Variants in TTC21B observed in about 807,000 individuals in gnomAD.
The protein encoded by TTC21B is tetratricopeptide repeat protein 21B.
Under a neutral mutation model 175.1 loss-of-function variants are expected in TTC21B, and 127 were observed. The observed-to-expected ratio is 0.73, with a 90% CI of 0.63 to 0.84. The LOEUF (loss-of-function observed/expected upper bound fraction) is 0.84. Ranked by LOEUF, TTC21B falls within the 40% of genes least tolerant of loss-of-function variation. The probability of loss-of-function intolerance (pLI) is 0.00; values close to 1 mark genes in which losing one functional copy is unlikely to be tolerated. For missense variants in TTC21B, 1,561 were observed against 1,558.3 expected, an observed-to-expected ratio of 1.00 and a Z score of -0.03; for synonymous variants, 524 against 524.5, an observed-to-expected ratio of 1.00 and a Z score of 0.01.
At chr2:165,895,136 G>C (rs559129051) in intron 22 of TTC21B, among the ~76,000 whole-genome samples, 44 of 152,120 alleles carry the variant, frequency 2.9e-4, no homozygotes, top group Non-Finnish European at 5.7e-4. Context: ...TGTTTGGAAA[G>C]AGAAAAGGGA....
chr2:165,927,246 TTATATATATATATATCCTAGTAGTTATA>T lies in TTC21B; in HGVS notation c.1386+1861_1386+1888del, dbSNP rs1410351565. ...TATATATATATATATATCCTAGTAG[TTATATATATATATATCCTAGTAGTTATA>T]TATATATATATCCTAGTAGTTATAT... On this transcript the variant is annotated intron_variant, in intron 11 of 28. Coordinates refer to ENST00000243344, the MANE Select transcript of TTC21B (RefSeq NM_024753.5). Among the ~76,000 whole-genome samples the T allele has an allele frequency of 3.5e-3, 8 of 2,304 alleles. 1 individual carries two copies. Among genetic ancestry groups the T allele is most frequent in the Non-Finnish European group, 4.5e-3 (3 of 668 alleles). 1.5% of individuals were successfully genotyped at this position (2,304 alleles called of 152,430 possible).
chr2:165,911,549 A>G, intron 17 of TTC21B, 84 bp from the exon 18 acceptor site: 1 of 1,512,698 alleles, frequency 6.6e-7, no homozygotes, highest in Non-Finnish European at 9.2e-7. Context: ...ACAGACTTAA[A>G]GCATTGGTAT....
At chr2:165,935,529 T>G (rs1687097229) in intron 6 of TTC21B, among the ~76,000 whole-genome samples, 1 of 152,112 alleles carries the variant, frequency 6.6e-6, no homozygotes, top group African/African-American at 2.4e-5. Context: ...TACATAGATG[T>G]TTACAGATGA....
Position 165,943,164 on chromosome 2 carries a change from A to T in TTC21B, c.552+55T>A. ...AGCTACTTGGTTTTGTCAGGTTTCA[A>T]ATATATTATGAATATATTTTGAAAC... is the stretch of plus-strand genomic sequence containing the variant. On this transcript the variant is annotated intron_variant, in intron 5 of 28. Transcript: ENST00000243344. 3 of 1,593,618 alleles carry T rather than the reference A, an allele frequency of 1.9e-6. No homozygotes were observed. The East Asian group carries it at 6.7e-5, about 36-fold the overall frequency.
chr2:165,879,504 T>C lies in TTC21B; in HGVS notation c.3805+1175A>G, dbSNP rs181404742. On this transcript the variant is annotated intron_variant, in intron 27 of 28. Coordinates refer to ENST00000243344, the MANE Select transcript of TTC21B (RefSeq NM_024753.5). ...AGCAGTTAGTATGAGGTTGACTCAT[T>C]TGACTGCAAATCAAAATCGAATTCA... The C allele has an allele frequency of 3.7e-4, 57 of 152,342 alleles. 1 individual carries two copies. In the East Asian group the frequency reaches 7.7e-3, roughly 21 times the overall value. The allele number at this position is 152,342 out of a possible 1,614,324, so 9.4% of individuals were successfully genotyped here.
Position 165,883,904 on chromosome 2 carries a change from C to T in TTC21B, c.3574G>A (p.Asp1192Asn). 6.2e-7 allele frequency: 1 copy of T among 1,614,112 alleles called. No individual in the cohort carries two copies. Among genetic ancestry groups the T allele is most frequent in the Non-Finnish European group, 8.5e-7 (1 of 1,179,998 alleles). The change falls in exon 26 of 29, where the codon GAT becomes AAT. Residue 1192 changes from aspartate to asparagine, a missense_variant. By Grantham distance (23) the Asp-to-Asn change is conservative. Coordinates refer to ENST00000243344, the MANE Select transcript of TTC21B (RefSeq NM_024753.5). Reference sequence around the variant, plus strand: ...CAACTCTTCTCAAACTCTTCAGCATCAATAGCATTCCAATTCATTTTCGCA... The same window carrying T: ...CAACTCTTCTCAAACTCTTCAGCATTAATAGCATTCCAATTCATTTTCGCA... ...RIAKMNWNAI[D>N]AEEFEKSWLL...
At chr2:165,877,104 GAAGAC>G (rs1436487292) in intron 27 of TTC21B, among the ~76,000 whole-genome samples, 1 of 152,038 alleles carries the variant, frequency 6.6e-6, no homozygotes, top group Non-Finnish European at 1.5e-5. Flanking sequence ...AGAAAACTAA[GAAGAC>G]AAGAAAAGTA....
chr2:165,909,114 A>G (rs1398551998), intron 18 of TTC21B, among the ~76,000 whole-genome samples: 2 of 152,148 alleles, frequency 1.3e-5, no homozygotes, highest in East Asian at 3.8e-4. Flanking sequence ...AAAGATTCCT[A>G]TAATCAGAGC....
intron 22 of TTC21B, 72 bp from the exon 23 acceptor site, chr2:165,891,060 C>G: frequency 7.8e-7 from 1 of 1,282,572 alleles, no homozygotes; most frequent in Non-Finnish European, 1.1e-6. Flanking sequence ...AATTCTACTT[C>G]ATTAGAGTAT....
At chr2:165,914,655 ATCTGTGTGTGTG>A (rs1265244080) in intron 15 of TTC21B, among the ~76,000 whole-genome samples, 2 of 75,680 alleles carry the variant, frequency 2.6e-5, no homozygotes, top group African/African-American at 1.6e-4. Context: ...AGGAAGAGCA[ATCTGTGTGTGTG>A]TGTGTGTGTG....
chr2:165,936,545 T>C (rs1287748690), intron 6 of TTC21B, among the ~76,000 whole-genome samples: 1 of 152,070 alleles, frequency 6.6e-6, no homozygotes, highest in Non-Finnish European at 1.5e-5. Flanking sequence ...TAGATATATC[T>C]GATAAAGGAC....
At chr2:165,878,718 G>A (rs374967259) in intron 27 of TTC21B, among the ~76,000 whole-genome samples, 5 of 141,246 alleles carry the variant, frequency 3.5e-5, no homozygotes, top group Admixed American at 2.3e-4. Context: ...GTCTCACTCC[G>A]TCAACCAGGC....
At chr2:165,919,531 T>TA (rs1299055110) in intron 12 of TTC21B, 98 bp from the exon 13 acceptor site, 21 of 1,338,206 alleles carry the variant, frequency 1.6e-5, no homozygotes, top group Non-Finnish European at 2.0e-5. Context: ...CGGATAGCCC[T>TA]AGTGTTTGTA....
intron 27 of TTC21B, chr2:165,880,076 A>C (rs901969670): frequency 6.5e-6 from 1 of 153,730 alleles, no homozygotes; most frequent in African/African-American, 2.4e-5. Flanking sequence ...CATGAGGATG[A>C]GCTCCCTCGT....
At chr2:165,920,716 G>A (rs1686357554) in intron 12 of TTC21B, among the ~76,000 whole-genome samples, 1 of 89,052 alleles carries the variant, frequency 1.1e-5, no homozygotes, top group Non-Finnish European at 2.6e-5. Flanking sequence ...TCTTTTAAGG[G>A]TGAGGAGATG....
intron 27 of TTC21B, 109 bp from the exon 28 acceptor site, chr2:165,876,341 G>T: frequency 1.3e-6 from 1 of 757,352 alleles, no homozygotes; most frequent in Non-Finnish European, 2.4e-6. Context: ...AAGGGAGGCT[G>T]GTGAATGAAC....
intron 6 of TTC21B, among the ~76,000 whole-genome samples, chr2:165,936,002 A>G (rs1331533331): frequency 1.3e-5 from 2 of 152,180 alleles, no homozygotes. Context: ...AACACAGAAT[A>G]GCAACATACT....
chr2:165,884,109 G>C, intron 25 of TTC21B, 91 bp from the exon 26 acceptor site: 1 of 991,330 alleles, frequency 1.0e-6, no homozygotes, highest in Non-Finnish European at 1.6e-6. Context: ...ATAAGAACTA[G>C]TTTGTGGATT....
At chr2:165,899,736 G>T (rs1685486923) in intron 21 of TTC21B, 34 bp downstream of exon 21, 1 of 1,371,340 alleles carries the variant, frequency 7.3e-7, no homozygotes, top group Non-Finnish European at 1.0e-6. Context: ...TAAAACACAA[G>T]TGCTTTTATT....
Sources: allele counts gnomAD v4.1 joint callset (sites outside exome capture counted in the v4.1 genomes callset), GRCh38; gene constraint gnomAD v4.1.1; transcripts MANE v1.5; gene names NCBI Gene and HGNC (gene_info 2026-07-23, HGNC 2026-07-21).